FHIT: variants seen among roughly 807,000 people sequenced by gnomAD.
The protein encoded by FHIT is bis(5'-adenosyl)-triphosphatase.
In FHIT, 19 loss-of-function variants were observed where a neutral mutation model predicts 17.9. The ratio of observed to expected loss-of-function variants is 1.06; its 90% CI spans 0.74 to 1.56. The LOEUF is 1.56. Ranked by LOEUF, FHIT falls within the 40% of genes most tolerant of loss-of-function variation. The pLI is 0.00. For missense variants in FHIT, 248 were observed against 189.2 expected, an observed-to-expected ratio of 1.31 and a Z score of -1.82; for synonymous variants, 81 against 69.7, an observed-to-expected ratio of 1.16 and a Z score of -0.81.
chr3:61,092,492 G>A (rs1449928891), intron 2 of FHIT, among the ~76,000 whole-genome samples: 1 of 149,730 alleles, frequency 6.7e-6, no homozygotes, highest in African/African-American at 2.5e-5. Context: ...AAGTATATAT[G>A]TCCCTTAAAA....
chr3:60,859,454 C>T (rs2734345), intron 3 of FHIT, among the ~76,000 whole-genome samples: 6 of 151,992 alleles, frequency 3.9e-5, no homozygotes, highest in African/African-American at 7.3e-5. Context: ...ACAGGTAGAC[C>T]GCATTTCCAA....
intron 8 of FHIT, among the ~76,000 whole-genome samples, chr3:59,889,445 G>T (rs1468795334): frequency 6.6e-6 from 1 of 152,206 alleles, no homozygotes; most frequent in Non-Finnish European, 1.5e-5. Context: ...ACTATCCTCA[G>T]ATAAATGAAG....
chr3:60,872,810 T>G (rs1172307812), intron 3 of FHIT, among the ~76,000 whole-genome samples: 1 of 152,088 alleles, frequency 6.6e-6, no homozygotes, highest in Non-Finnish European at 1.5e-5. Context: ...TAAAATTGCT[T>G]AACTCCTTTC....
intron 5 of FHIT, among the ~76,000 whole-genome samples, chr3:60,041,570 T>C (rs1701440860): frequency 6.6e-6 from 1 of 152,180 alleles, no homozygotes; most frequent in Admixed American, 6.5e-5. Context: ...CAACATATGG[T>C]CTTTATTAAT....
chr3:59,912,767 A>C (rs568213628), intron 8 of FHIT, among the ~76,000 whole-genome samples: 2 of 152,352 alleles, frequency 1.3e-5, no homozygotes, highest in South Asian at 4.1e-4. Context: ...CCACTAATGT[A>C]AGAAGGATTT....
In FHIT at chr3:60,099,137, T is replaced by C. The variant is rs78801133; in HGVS notation, c.104-84985A>G. 2.6e-3 allele frequency among the ~76,000 whole-genome samples: 393 copies of C among 152,282 alleles called. 1 individual carries two copies. The highest frequency in any genetic ancestry group is 9.2e-3 in the African/African-American group (384 of 41,570). Reference sequence around the variant, plus strand: ...CTCCAGCCAAAGAGTAATCATGCGCTGTTGCCTGAACATACCCCATACTTG... The same window carrying C: ...CTCCAGCCAAAGAGTAATCATGCGCCGTTGCCTGAACATACCCCATACTTG... On this transcript the variant is annotated intron_variant, in intron 5 of 9. Transcript: ENST00000492590.
chr3:60,988,416 G>T (rs6792544), intron 3 of FHIT, among the ~76,000 whole-genome samples: 18 of 152,148 alleles, frequency 1.2e-4, no homozygotes, highest in Admixed American at 1.1e-3. Context: ...CTAGTGGACA[G>T]GATGGATATT....
intron 3 of FHIT, among the ~76,000 whole-genome samples, chr3:60,949,385 T>C (rs1020288954): frequency 7.2e-5 from 11 of 152,154 alleles, no homozygotes; most frequent in Non-Finnish European, 1.5e-4. Context: ...ATGTACCACC[T>C]TCCCACTCCC....
intron 5 of FHIT, among the ~76,000 whole-genome samples, chr3:60,473,355 A>G (rs1239101266): frequency 6.6e-6 from 1 of 152,204 alleles, no homozygotes; most frequent in Non-Finnish European, 1.5e-5. Flanking sequence ...GGGGAGCTCA[A>G]TTAAGAACCT....
rs570630305 is a variant in FHIT at position 61,000,320 on chromosome 3, T to C, written c.-111+41727A>G. Among the ~76,000 whole-genome samples, 13 of 152,306 alleles carry C rather than the reference T, an allele frequency of 8.5e-5. No individual in the cohort carries two copies. The South Asian group carries it at 1.0e-3, about 12-fold the overall frequency. On this transcript the variant is annotated intron_variant, in intron 3 of 9. Transcript: ENST00000492590. ...CACTTCTGTTCCAGGCTAGATAAAATATTTTTAAGCTCTGGCTGTAAGGAC... is the reference window on the plus strand; with the variant it reads ...CACTTCTGTTCCAGGCTAGATAAAACATTTTTAAGCTCTGGCTGTAAGGAC...
intron 4 of FHIT, among the ~76,000 whole-genome samples, chr3:60,551,376 T>C (rs2107624483): frequency 7.0e-6 from 1 of 141,996 alleles, no homozygotes; most frequent in Non-Finnish European, 1.5e-5. Flanking sequence ...ATACCTCTCA[T>C]TTGGGAGACC....
At chr3:59,841,947 A>C (rs1701548945) in intron 8 of FHIT, among the ~76,000 whole-genome samples, 1 of 152,196 alleles carries the variant, frequency 6.6e-6, no homozygotes, top group Non-Finnish European at 1.5e-5. Context: ...TTAGGTGTAC[A>C]GTCCAGTGAC....
chr3:59,872,293 A>T (rs1702959281), intron 8 of FHIT, among the ~76,000 whole-genome samples: 1 of 152,180 alleles, frequency 6.6e-6, no homozygotes, highest in Non-Finnish European at 1.5e-5. Context: ...TCAGGCAATT[A>T]CAGGAAGAAA....
chr3:60,395,208 G>A (rs1247628993), intron 5 of FHIT, among the ~76,000 whole-genome samples: 1 of 152,160 alleles, frequency 6.6e-6, no homozygotes, highest in Non-Finnish European at 1.5e-5. Context: ...TGCAAGGCAA[G>A]GGGATGAGGA....
intron 3 of FHIT, among the ~76,000 whole-genome samples, chr3:60,945,176 A>T (rs566792735): frequency 6.6e-6 from 1 of 152,282 alleles, no homozygotes; most frequent in South Asian, 2.1e-4. Context: ...ACAGGAGGCA[A>T]AGGCATACAA....
At chr3:61,215,214 A>G (rs768194245) in intron 1 of FHIT, among the ~76,000 whole-genome samples, 1 of 152,088 alleles carries the variant, frequency 6.6e-6, no homozygotes, top group African/African-American at 2.4e-5. Flanking sequence ...GAGGAAGTGG[A>G]CAAATTGTCC....
chr3:60,512,914 C>A (rs1401491795), intron 5 of FHIT, among the ~76,000 whole-genome samples: 2 of 151,878 alleles, frequency 1.3e-5, no homozygotes, highest in Non-Finnish European at 2.9e-5. Context: ...TATGAATAAC[C>A]AAAAGCAATT....
At chr3:60,768,782 A>G (rs907066633) in intron 4 of FHIT, among the ~76,000 whole-genome samples, 6 of 152,232 alleles carry the variant, frequency 3.9e-5, no homozygotes, top group African/African-American at 1.4e-4. Flanking sequence ...AGAGAATGCC[A>G]GATTGCTCTG....
intron 5 of FHIT, among the ~76,000 whole-genome samples, chr3:60,321,730 A>G (rs539395821): frequency 7.6e-4 from 115 of 152,282 alleles, no homozygotes; most frequent in African/African-American, 2.6e-3. Flanking sequence ...TAAATAATAG[A>G]AATTTATTTT....
Sources: allele counts gnomAD v4.1 joint callset (sites outside exome capture counted in the v4.1 genomes callset), GRCh38; gene constraint gnomAD v4.1.1; transcripts MANE v1.5; gene names NCBI Gene and HGNC (gene_info 2026-07-23, HGNC 2026-07-21).